MX1: variants seen among roughly 807,000 people sequenced by gnomAD.
MX1 encodes MX dynamin like GTPase 1.
MX1 carries 66 observed loss-of-function variants against 66.4 expected under a neutral mutation model. The observed-to-expected ratio is 0.99, with a 90% confidence interval of 0.82 to 1.22. MX1 has a LOEUF of 1.22. MX1 is among the 50% of genes most tolerant of loss of function. The pLI is 0.00. For synonymous variants in MX1, 311 were observed against 318.1 expected (o/e 0.98, Z 0.24); for missense variants, 787 against 834.3 (o/e 0.94, Z 0.70).
chr21:41,444,082 C>T (rs1284900757), intron 11 of MX1, among the ~76,000 whole-genome samples: 1 of 152,070 alleles, frequency 6.6e-6, no homozygotes, highest in Non-Finnish European at 1.5e-5. Context: ...GGACCACAGT[C>T]AGGGGGAATG....
upstream of MX1, among the ~76,000 whole-genome samples, chr21:41,423,691 A>G (rs1314042231): frequency 1.3e-5 from 2 of 152,140 alleles, no homozygotes; most frequent in Admixed American, 6.5e-5. Flanking sequence ...CTCAGTAGAC[A>G]GGAGCTATTA....
At chr21:41,445,617 C>G (rs1352159288) in intron 12 of MX1, 47 bp downstream of exon 12, 7 of 1,608,722 alleles carry the variant, frequency 4.4e-6, no homozygotes, top group Non-Finnish European at 5.9e-6. Context: ...ATGTCATGGT[C>G]AAAAAAGGGA....
Position 41,441,698 on chromosome 21 carries a change from A to G in MX1, c.731-18A>G, listed in dbSNP as rs750321796. 3.1e-6 allele frequency: 5 copies of G among 1,613,954 alleles called. No homozygotes were observed. Among genetic ancestry groups the G allele is most frequent in the Non-Finnish European group, 4.2e-6 (5 of 1,179,852 alleles). ...CGTGACTGAGCACGTTCTCTCCCCA[A>G]ATACATCTGGCTCGCAGGAATCTTG... On this transcript the variant is annotated intron_variant, in intron 9 of 16. Transcript: ENST00000398598. The surrounding 1 kb of genome is among the most constrained non-coding windows in gnomAD (Gnocchi z 4.0).
Sources: allele counts gnomAD v4.1 joint callset (sites outside exome capture counted in the v4.1 genomes callset), GRCh38; gene constraint gnomAD v4.1.1; non-coding constraint Gnocchi (gnomAD v3.1); transcripts MANE v1.5; gene names NCBI Gene and HGNC (gene_info 2026-07-23, HGNC 2026-07-21).